Variants in COG7 observed in about 807,000 individuals in gnomAD.
COG7 encodes conserved oligomeric Golgi complex subunit 7.
In COG7, 49 loss-of-function variants were observed where a neutral mutation model predicts 91.5. The ratio of observed to expected loss-of-function variants is 0.54; its 90% CI spans 0.43 to 0.68. COG7 has a LOEUF of 0.68. Among genes scored for constraint, COG7 ranks in the 30% least tolerant of loss-of-function variants. COG7 has a pLI of 0.00. For missense variants in COG7, 895 were observed against 961.3 expected (o/e 0.93, Z 0.91); for synonymous variants, 365 against 388.7 (o/e 0.94, Z 0.72).
Position 23,392,484 on chromosome 16 carries a change from CA to C in COG7, c.2041del (p.Trp681GlyfsTer23). 5 of 1,614,200 alleles carry C rather than the reference CA, an allele frequency of 3.1e-6. No individual in the cohort carries two copies. The South Asian group carries it at 5.5e-5, about 18-fold the overall frequency. ...TGTGGCTCTGGCGATCGAGCCCAGC[CA>C]GTTGTCAGCCATGTTGTCCAGCTCG... Reference protein sequence around the residue: ...LPELDNMADNWLGSIARATMQ... With the variant: ...LPELDNMADNXLGSIARATMQ... On this transcript the variant is annotated frameshift_variant, in exon 16 of 17. Transcript: ENST00000307149. LOFTEE classifies it high-confidence loss of function.
chr16:23,406,007 G>C, intron 12 of COG7, 69 bp downstream of exon 12: 1 of 1,446,324 alleles, frequency 6.9e-7, no homozygotes, highest in Middle Eastern at 2.2e-4. Context: ...CTGTAACCCA[G>C]AGAGGGAGAG....
chr16:23,446,103 C>T, intron 1 of COG7, 142 bp from the exon 2 acceptor site: 1 of 1,003,214 alleles, frequency 1.0e-6, no homozygotes, highest in South Asian at 1.5e-5. Flanking sequence ...TTTTTGGAGC[C>T]TGCAGAAAAT....
chr16:23,409,934 C>T (rs1963535225), intron 11 of COG7, among the ~76,000 whole-genome samples: 1 of 152,200 alleles, frequency 6.6e-6, no homozygotes, highest in Non-Finnish European at 1.5e-5. Context: ...CCACTTGTCA[C>T]ACCGTTTCTA....
intron 11 of COG7, 96 bp from the exon 12 acceptor site, chr16:23,406,358 TC>T (rs1963462147): frequency 9.4e-7 from 1 of 1,061,626 alleles, no homozygotes; most frequent in Admixed American, 1.9e-5. Context: ...TCAAAGATAA[TC>T]CTCATGAGAC....
At position 23,391,869 on chromosome 16, in the gene COG7, G is replaced by C. The variant is rs1963202452; in HGVS notation, c.2146+511C>G. On this transcript the variant is annotated intron_variant, in intron 16 of 16. Transcript: ENST00000307149. The stretch of plus-strand genomic sequence containing the variant: ...TGGCAGGCAGGATGCTATCTGGATG[G>C]AGACCACAAAGTGACCCTGGCCACA... 3 of 391,098 alleles carry C rather than the reference G, an allele frequency of 7.7e-6. No individual in the cohort carries two copies. In the South Asian group the frequency reaches 1.8e-4, roughly 23 times the overall value. The allele number at this position is 391,098 out of a possible 1,614,324, so 24.2% of individuals were successfully genotyped here.
Position 23,388,640 on chromosome 16 carries a change from TTTG to T in COG7, c.*277_*279del. On this transcript the variant is annotated 3_prime_UTR_variant, in exon 17 of 17. Transcript: ENST00000307149. Reference sequence around the variant, plus strand: ...GAACCAAGTCTTTTTTTTTTTTTTTTTTGAGACAGAGTCTCGCTCTGCTGTTAA... The same window carrying T: ...GAACCAAGTCTTTTTTTTTTTTTTTTAGACAGAGTCTCGCTCTGCTGTTAA... The T allele has an allele frequency of 9.3e-6, 2 of 213,922 alleles. No homozygotes were observed. The highest frequency in any genetic ancestry group is 1.8e-5 in the Non-Finnish European group (2 of 108,736). The allele number at this position is 213,922 out of a possible 1,614,324, so 13.3% of individuals were successfully genotyped here.
chr16:23,418,770 T>G lies in COG7; in HGVS notation c.1067A>C (p.Lys356Thr). 6.2e-7 allele frequency: 1 copy of G among 1,612,810 alleles called. No individual in the cohort carries two copies. Among genetic ancestry groups the G allele is most frequent in the Non-Finnish European group, 8.5e-7 (1 of 1,178,774 alleles). ...ELVDAVYDPY[K>T]PYQLKYGDME... The stretch of plus-strand genomic sequence containing the variant: ...GTCGCCATACTTCAGCTGGTAGGGT[T>G]TGTATGGATCATACACAGCATCCAC... The change falls in exon 8 of 17, where the codon AAA becomes ACA. Residue 356 changes from lysine (K) to threonine (T), a missense_variant. Lys to Thr is a moderately conservative substitution (Grantham distance 78). Transcript: ENST00000307149.
chr16:23,405,347 C>T (rs1046333545), intron 12 of COG7, among the ~76,000 whole-genome samples: 2 of 152,086 alleles, frequency 1.3e-5, no homozygotes, highest in African/African-American at 4.8e-5. Context: ...TCCTCTATTA[C>T]AGGTTCTGCC....
intron 15 of COG7, 82 bp downstream of exon 15, chr16:23,393,151 A>G: frequency 4.1e-6 from 4 of 980,868 alleles, no homozygotes; most frequent in Non-Finnish European, 6.4e-6. Flanking sequence ...AAATGAGCCC[A>G]AGGATAAGGT....
intron 6 of COG7, among the ~76,000 whole-genome samples, chr16:23,431,429 A>G (rs931444339): frequency 6.6e-6 from 1 of 152,260 alleles, no homozygotes; most frequent in Non-Finnish European, 1.5e-5. Context: ...TTTTTCTTAG[A>G]TGACGAAAGG....
chr16:23,441,478 G>C (rs1964100328), intron 4 of COG7, among the ~76,000 whole-genome samples: 1 of 152,178 alleles, frequency 6.6e-6, no homozygotes, highest in Admixed American at 6.6e-5. Context: ...GGGAGACTGA[G>C]ACAGGAGAAT....
Position 23,392,474 on chromosome 16 carries a change from C to G in COG7, c.2052G>C (p.Ser684=). The G allele has an allele frequency of 6.2e-7, 1 of 1,614,172 alleles. No individual in the cohort carries two copies. The highest frequency in any genetic ancestry group is 2.2e-5 in the East Asian group (1 of 44,882). ...LDNMADNWLG[S]IARATMQTYC... is the part of the protein sequence containing the mutation. ...AGGTCTGCATTGTGGCTCTGGCGAT[C>G]GAGCCCAGCCAGTTGTCAGCCATGT... Residue 684 remains serine, a synonymous_variant, in exon 16 of 17, where the codon TCG becomes TCC. Transcript: ENST00000307149.
chr16:23,431,566 T>C (rs1963934538), intron 6 of COG7, among the ~76,000 whole-genome samples: 1 of 152,070 alleles, frequency 6.6e-6, no homozygotes, highest in Admixed American at 6.6e-5. Flanking sequence ...TCCCAGCACT[T>C]TGGGAGGTCG....
intron 16 of COG7, among the ~76,000 whole-genome samples, 189 bp from the exon 17 acceptor site, chr16:23,389,275 G>A (rs1437525318): frequency 6.6e-6 from 1 of 152,046 alleles, no homozygotes; most frequent in Non-Finnish European, 1.5e-5. Context: ...AGACCAGACT[G>A]TGAGCTTGGC....
rs1312079376 is a variant in COG7 at position 23,391,832 on chromosome 16, C to T, written c.2146+548G>A. Reference sequence around the variant, plus strand: ...AGGGCAGGCAGGAGCAAAGGGGACACGCCCACTGACTTGGCAGGCAGGATG... The same window carrying T: ...AGGGCAGGCAGGAGCAAAGGGGACATGCCCACTGACTTGGCAGGCAGGATG... On this transcript the variant is annotated intron_variant, in intron 16 of 16. Transcript: ENST00000307149. 4.1e-5 allele frequency: 10 copies of T among 242,106 alleles called. No homozygotes were observed. In the East Asian group the frequency reaches 5.3e-4, roughly 13 times the overall value. The allele number at this position is 242,106 out of a possible 1,614,324, so 15.0% of individuals were successfully genotyped here.
At position 23,444,425 on chromosome 16, in the gene COG7, T is replaced by C. The variant is rs147993993; in HGVS notation, c.435+623A>G. On this transcript the variant is annotated intron_variant, in intron 3 of 16. Coordinates refer to ENST00000307149, the MANE Select transcript of COG7 (RefSeq NM_153603.4). ...AATAACCCACCAAGTCCCCAAGGTA[T>C]ATAAGGCTCCCCTTTCCCCATGTTC... Among the ~76,000 whole-genome samples the C allele has an allele frequency of 5.2e-3, 786 of 151,970 alleles. 6 individuals are homozygous for C. Among genetic ancestry groups the C allele is most frequent in the South Asian group, 0.022 (104 of 4,804 alleles).
At position 23,398,100 on chromosome 16, in the gene COG7, G is replaced by T; in HGVS notation, c.1833C>A (p.Thr611=). The change falls in exon 14 of 17, where the codon ACC becomes ACA. Residue 611 remains threonine (T), a synonymous_variant. Coordinates refer to ENST00000307149, the MANE Select transcript of COG7 (RefSeq NM_153603.4). ...DSWNTAGIGE[T]LTDELPAFSL... Reference sequence around the variant, plus strand: ...TAAAGGCGGGCAGTTCATCTGTGAGGGTTTCTCCGATGCCAGCCGTATTCC... The same window carrying T: ...TAAAGGCGGGCAGTTCATCTGTGAGTGTTTCTCCGATGCCAGCCGTATTCC... 1 of 1,614,156 alleles carries T rather than the reference G, an allele frequency of 6.2e-7. No individual in the cohort carries two copies. The highest frequency in any genetic ancestry group is 8.5e-7 in the Non-Finnish European group (1 of 1,180,022).
In COG7 at chr16:23,446,377, G is replaced by T. The variant is rs1964182281; in HGVS notation, c.170-416C>A. ...AAACTCAGAGAGGTTAAAGTAACTT[G>T]CCCAAGATCTTACAGAGCTAAAAGT... On this transcript the variant is annotated intron_variant, in intron 1 of 16. Coordinates refer to ENST00000307149, the MANE Select transcript of COG7 (RefSeq NM_153603.4). The T allele has an allele frequency of 1.2e-5, 3 of 257,646 alleles. No individual in the cohort carries two copies. In the South Asian group the frequency reaches 1.5e-4, roughly 13 times the overall value. 16.0% of individuals were successfully genotyped at this position (257,646 alleles called of 1,614,324 possible).
rs368136642 is a variant in COG7, at chr16:23,388,936, C to T, written c.2297G>A (p.Arg766Gln). The T allele has an allele frequency of 3.0e-5, 49 of 1,613,966 alleles. 1 individual carries two copies. The highest frequency in any genetic ancestry group is 2.1e-4 in the African/African-American group (16 of 74,904). ...GTGGTGGGGTCAGTAATTCACACTCCGCATGGTGGCCACGGTGGTGGCCAG... is the reference window on the plus strand; with the variant it reads ...GTGGTGGGGTCAGTAATTCACACTCTGCATGGTGGCCACGGTGGTGGCCAG... ...RRLATTVATMRSVNY is the reference protein window; with the variant it reads ...RRLATTVATMQSVNY Residue 766 changes from arginine to glutamine, a missense_variant, in exon 17 of 17, where the codon CGG becomes CAG. Arg to Gln is a conservative substitution (Grantham distance 43, BLOSUM62 1). Coordinates refer to ENST00000307149, the MANE Select transcript of COG7 (RefSeq NM_153603.4).
Sources: allele counts gnomAD v4.1 joint callset (sites outside exome capture counted in the v4.1 genomes callset), GRCh38; gene constraint gnomAD v4.1.1; transcripts MANE v1.5; gene names NCBI Gene and HGNC (gene_info 2026-07-23, HGNC 2026-07-21).